The following SOX5 variants were observed in gnomAD, a reference collection of about 807,000 sequenced individuals.
SOX5 encodes transcription factor SOX-5.
SOX5 carries 9 observed loss-of-function variants against 92.0 expected under a neutral mutation model. The observed-to-expected ratio is 0.10, with a 90% CI of 0.06 to 0.17. The LOEUF (loss-of-function observed/expected upper bound fraction) is 0.17. SOX5 is among the 10% of genes least tolerant of loss of function. The pLI is 1.00. For missense variants in SOX5, 642 were observed against 944.5 expected (o/e 0.68, Z 4.20); for synonymous variants, 344 against 336.3 (o/e 1.02, Z -0.25).
At chr12:24,339,588 A>T (rs572392346) in intron 2 of SOX5, among the ~76,000 whole-genome samples, 13 of 152,198 alleles carry the variant, frequency 8.5e-5, no homozygotes, top group Non-Finnish European at 1.6e-4. Context: ...TCAAATCTGC[A>T]TTTTTCAAAG....
intron 2 of SOX5, among the ~76,000 whole-genome samples, chr12:24,351,727 G>C (rs1159268053): frequency 6.6e-6 from 1 of 152,186 alleles, no homozygotes; most frequent in African/African-American, 2.4e-5. Flanking sequence ...ACAATGGAGA[G>C]TCACAGAGCA....
At chr12:24,505,832 T>TGTGTGTGTGTGTGTGTGTGTGTGTGTGC (rs1566333895) in intron 1 of SOX5, among the ~76,000 whole-genome samples, 4 of 134,138 alleles carry the variant, frequency 3.0e-5, no homozygotes, top group African/African-American at 1.2e-4. Flanking sequence ...GCTTGGTATG[T>TGTGTGTGTGTGTGTGTGTGTGTGTGTGC]GTGTGTGTGT....
At chr12:24,406,002 C>G (rs2136702921) in intron 1 of SOX5, among the ~76,000 whole-genome samples, 1 of 152,156 alleles carries the variant, frequency 6.6e-6, no homozygotes, top group Non-Finnish European at 1.5e-5. Context: ...GTATGTACCC[C>G]CTGGAGTTTG....
intron 4 of SOX5, among the ~76,000 whole-genome samples, chr12:24,194,757 G>A (rs1003171564): frequency 1.3e-5 from 2 of 151,958 alleles, no homozygotes; most frequent in African/African-American, 4.8e-5. Flanking sequence ...CTGTGGGGCT[G>A]GAAAGCTTTT....
intron 4 of SOX5, among the ~76,000 whole-genome samples, chr12:23,960,776 C>A (rs1273869940): frequency 6.6e-6 from 1 of 151,720 alleles, no homozygotes; most frequent in East Asian, 1.9e-4. Context: ...AATTAGACAT[C>A]AAATTTCCTT....
intron 1 of SOX5, among the ~76,000 whole-genome samples, chr12:24,510,270 A>T (rs1949184692): frequency 6.6e-6 from 1 of 152,082 alleles, no homozygotes; most frequent in African/African-American, 2.4e-5. Context: ...TAGACTGTAG[A>T]TACAAAAAAA....
chr12:24,331,657 G>T (rs1951315754), intron 2 of SOX5, among the ~76,000 whole-genome samples: 2 of 151,798 alleles, frequency 1.3e-5, no homozygotes, highest in South Asian at 4.2e-4. Context: ...AGACCATCCT[G>T]GCCAACATCA....
intron 8 of SOX5, among the ~76,000 whole-genome samples, chr12:23,616,657 A>G (rs2076591647): frequency 6.6e-6 from 1 of 152,246 alleles, no homozygotes; most frequent in African/African-American, 2.4e-5. Flanking sequence ...CAGACTTGCT[A>G]TAGATTTGTC....
At chr12:24,542,915 T>G (rs1008094196) in intron 1 of SOX5, among the ~76,000 whole-genome samples, 2 of 152,204 alleles carry the variant, frequency 1.3e-5, no homozygotes, top group African/African-American at 4.8e-5. Context: ...AATATATATT[T>G]TGGTGTGGCT....
intron 3 of SOX5, among the ~76,000 whole-genome samples, chr12:24,262,847 G>A (rs888384489): frequency 9.2e-5 from 14 of 152,196 alleles, no homozygotes; most frequent in African/African-American, 3.1e-4. Flanking sequence ...GAGAGGATAG[G>A]TAGTAGGCAT....
intron 4 of SOX5, among the ~76,000 whole-genome samples, chr12:24,068,999 A>G (rs542679594): frequency 6.6e-6 from 1 of 151,842 alleles, no homozygotes; most frequent in East Asian, 1.9e-4. Flanking sequence ...GGAAAAAAAA[A>G]AAAAGTTGAA....
At chr12:24,320,717 T>C (rs1950127692) in intron 2 of SOX5, among the ~76,000 whole-genome samples, 1 of 151,688 alleles carries the variant, frequency 6.6e-6, no homozygotes, top group Non-Finnish European at 1.5e-5. Flanking sequence ...TACAAAAAAT[T>C]AGCAGGGCAT....
At position 23,608,301 on chromosome 12, in the gene SOX5, C is replaced by T. The variant is rs79370740; in HGVS notation, c.1018-3768G>A. On this transcript the variant is annotated intron_variant, in intron 8 of 14. Transcript: ENST00000451604. Reference sequence around the variant, plus strand: ...TCACAACTCCTCAGAGCTTTCCAGTCTTTCTATTGCTTAAAACATTGCATT... The same window carrying T: ...TCACAACTCCTCAGAGCTTTCCAGTTTTTCTATTGCTTAAAACATTGCATT... Among the ~76,000 whole-genome samples, 10 of 152,116 alleles carry T rather than the reference C, an allele frequency of 6.6e-5. No individual in the cohort carries two copies. In the East Asian group the frequency reaches 1.9e-3, roughly 29 times the overall value.
At chr12:24,326,919 G>A (rs1400900264) in intron 2 of SOX5, among the ~76,000 whole-genome samples, 3 of 151,928 alleles carry the variant, frequency 2.0e-5, no homozygotes, top group Middle Eastern at 3.4e-3. Flanking sequence ...TCCATCATCT[G>A]TCTTCCCCTC....
chr12:23,590,777 G>A (rs1409942725), intron 9 of SOX5, among the ~76,000 whole-genome samples: 1 of 151,930 alleles, frequency 6.6e-6, no homozygotes, highest in Non-Finnish European at 1.5e-5. Flanking sequence ...AGTAATTCTA[G>A]AAGGCTCATC....
At chr12:23,794,657 C>G (rs955724339) in intron 3 of SOX5, among the ~76,000 whole-genome samples, 1 of 152,002 alleles carries the variant, frequency 6.6e-6, no homozygotes, top group East Asian at 1.9e-4. Context: ...GTAAGAAGAA[C>G]GTTTAAAAAC....
chr12:23,635,695 A>G (rs1228686113), intron 8 of SOX5, among the ~76,000 whole-genome samples: 1 of 152,180 alleles, frequency 6.6e-6, no homozygotes, highest in South Asian at 2.1e-4. Context: ...AAATAAAAAA[A>G]GGAAGATTAT....
At chr12:24,388,340 TCCAGGCTTCTGA>T (rs140051156) in intron 1 of SOX5, among the ~76,000 whole-genome samples, 1,783 of 152,252 alleles carry the variant, frequency 0.012, 33 homozygotes, top group African/African-American at 0.04. Flanking sequence ...ACGCCCCTGT[TCCAGGCTTCTGA>T]TTGGGTTTTG....
chr12:23,697,272 T>G (rs1185206087), intron 6 of SOX5, among the ~76,000 whole-genome samples: 1 of 152,216 alleles, frequency 6.6e-6, no homozygotes, highest in African/African-American at 2.4e-5. Context: ...ATTCAGCATT[T>G]TTAAGGTCTC....
Sources: allele counts gnomAD v4.1 joint callset (sites outside exome capture counted in the v4.1 genomes callset), GRCh38; gene constraint gnomAD v4.1.1; transcripts MANE v1.5; gene names NCBI Gene and HGNC (gene_info 2026-07-23, HGNC 2026-07-21).